GRIN2A: variants seen among roughly 807,000 people sequenced by gnomAD.
GRIN2A encodes glutamate ionotropic receptor NMDA type subunit 2A, also known as glutamate receptor ionotropic, NMDA 2A.
In GRIN2A, 22 loss-of-function variants were observed where a neutral mutation model predicts 113.4. The observed-to-expected ratio is 0.19, with a 90% confidence interval of 0.14 to 0.28. The LOEUF is 0.28. Ranked by LOEUF, GRIN2A falls within the 10% of genes least tolerant of loss-of-function variation. The pLI, the probability that GRIN2A is intolerant of heterozygous loss-of-function variation, is 1.00. For missense variants in GRIN2A, 1,502 were observed against 1,887.0 expected, an observed-to-expected ratio of 0.80 and a Z score of 3.78; for synonymous variants, 827 against 738.4, an observed-to-expected ratio of 1.12 and a Z score of -1.94.
At chr16:9,777,685 T>G (rs1901685942) in intron 11 of GRIN2A, among the ~76,000 whole-genome samples, 1 of 152,198 alleles carries the variant, frequency 6.6e-6, no homozygotes, top group Non-Finnish European at 1.5e-5. Flanking sequence ...CTTGTCACAT[T>G]GCAGGATTTC....
intron 4 of GRIN2A, among the ~76,000 whole-genome samples, chr16:9,878,916 G>A (rs1237170779): frequency 1.3e-5 from 2 of 151,832 alleles, no homozygotes; most frequent in East Asian, 3.9e-4. Context: ...TTGGGAGATG[G>A]CATCACTTAT....
rs567238025 is a variant in GRIN2A at position 9,897,354 on chromosome 16, T to C, written c.1008-6254A>G. On this transcript the variant is annotated intron_variant, in intron 3 of 12. Coordinates refer to ENST00000330684, the MANE Select transcript of GRIN2A (RefSeq NM_001134407.3). ...GTGTTTTGTGCTCTATGAATGGTGA[T>C]GCATGGTGATCAGAGATAACATTGA... Among the ~76,000 whole-genome samples the C allele has an allele frequency of 3.9e-5, 6 of 152,284 alleles. No individual in the cohort carries two copies. In the East Asian group the frequency reaches 7.7e-4, roughly 20 times the overall value.
intron 11 of GRIN2A, among the ~76,000 whole-genome samples, chr16:9,789,328 T>C (rs1407180334): frequency 3.3e-5 from 5 of 152,178 alleles, no homozygotes; most frequent in Non-Finnish European, 7.4e-5. Flanking sequence ...TTCAGCCTCA[T>C]GGTACTAATT....
chr16:9,800,468 AAAAAAT>A (rs991114223), intron 10 of GRIN2A, among the ~76,000 whole-genome samples: 33 of 152,304 alleles, frequency 2.2e-4, no homozygotes, highest in African/African-American at 7.5e-4. Flanking sequence ...CAGTGAAGCA[AAAAAAT>A]AAAAATAAAA....
At chr16:10,141,397 A>G (rs1161456001) in intron 2 of GRIN2A, among the ~76,000 whole-genome samples, 1 of 152,164 alleles carries the variant, frequency 6.6e-6, no homozygotes, top group East Asian at 1.9e-4. Context: ...CTAAGGCAAA[A>G]GTATTGCTTG....
rs190622916 is a variant in GRIN2A at position 9,885,202 on chromosome 16, A to C, written c.1122+5784T>G. ...CCTGGTACCTAATGAACTGCTGGCC[A>C]CAGAGCTGGCATACACGTGGCATTG... On this transcript the variant is annotated intron_variant, in intron 4 of 12. Transcript: ENST00000330684. Among the ~76,000 whole-genome samples, 728 of 152,242 alleles carry C rather than the reference A, an allele frequency of 4.8e-3. 7 individuals carry two copies. Among genetic ancestry groups the C allele is most frequent in the African/African-American group, 0.017 (703 of 41,550 alleles).
At chr16:10,129,280 G>A (rs1020152534) in intron 2 of GRIN2A, among the ~76,000 whole-genome samples, 1 of 152,090 alleles carries the variant, frequency 6.6e-6, no homozygotes, top group Non-Finnish European at 1.5e-5. Context: ...GTCTCTCTGT[G>A]TTGCCCAGGC....
chr16:9,767,575 CAAACAA>C (rs1160903208), intron 12 of GRIN2A, among the ~76,000 whole-genome samples: 1 of 147,042 alleles, frequency 6.8e-6, no homozygotes, highest in African/African-American at 2.5e-5. Context: ...GGCAAAAAAA[CAAACAA>C]AAACAAAAAA....
chr16:10,005,688 A>T (rs1194106847), intron 2 of GRIN2A, among the ~76,000 whole-genome samples: 1 of 152,230 alleles, frequency 6.6e-6, no homozygotes, highest in Admixed American at 6.5e-5. Context: ...TGATTTGTAA[A>T]TGTTGGAGAC....
intron 10 of GRIN2A, among the ~76,000 whole-genome samples, chr16:9,801,856 G>A (rs972362111): frequency 1.3e-5 from 2 of 152,196 alleles, no homozygotes; most frequent in Admixed American, 1.3e-4. Flanking sequence ...TGTCAGAACT[G>A]AAGTGATTAC....
chr16:9,808,476 G>C (rs190556327), intron 10 of GRIN2A, among the ~76,000 whole-genome samples: 3 of 152,242 alleles, frequency 2.0e-5, no homozygotes, highest in Admixed American at 2.0e-4. Flanking sequence ...GAGTGAAAGA[G>C]AGATTCCGAA....
chr16:9,889,907 C>T (rs549550961), intron 4 of GRIN2A, among the ~76,000 whole-genome samples: 30 of 152,272 alleles, frequency 2.0e-4, no homozygotes, highest in Admixed American at 7.8e-4. Context: ...CATGTGCACT[C>T]GAAAGGCTGT....
rs146446171 is a variant in GRIN2A, at chr16:10,097,340, G to C, written c.414+82658C>G. 1.7e-3 allele frequency among the ~76,000 whole-genome samples: 265 copies of C among 152,326 alleles called. 2 individuals are homozygous for C. Among genetic ancestry groups the C allele is most frequent in the African/African-American group, 6.0e-3 (250 of 41,560 alleles). On this transcript the variant is annotated intron_variant, in intron 2 of 12. Coordinates refer to ENST00000330684, the MANE Select transcript of GRIN2A (RefSeq NM_001134407.3). ...CACACACTAAACAAATAATCGTAGA[G>C]ATGTTTGAAGTTGGAAAACAGAGAA...
chr16:9,823,457 G>C (rs529196643), intron 9 of GRIN2A, among the ~76,000 whole-genome samples: 49 of 152,258 alleles, frequency 3.2e-4, no homozygotes, highest in African/African-American at 1.1e-3. Flanking sequence ...ATAGTGCCTG[G>C]ACCAGAGAAA....
chr16:10,154,181 A>G (rs1382144882), intron 2 of GRIN2A, among the ~76,000 whole-genome samples: 1 of 152,064 alleles, frequency 6.6e-6, no homozygotes, highest in Non-Finnish European at 1.5e-5. Flanking sequence ...CACCTACACC[A>G]CAACAACCAG....
rs572769147 is a variant in GRIN2A, at chr16:9,859,351, C to A, written c.1123-9390G>T. Among the ~76,000 whole-genome samples, 8 of 152,214 alleles carry A rather than the reference C, an allele frequency of 5.3e-5. No individual in the cohort carries two copies. In the South Asian group the frequency reaches 1.7e-3, roughly 32 times the overall value. ...AAAATAGCACTAAAAACCGTGCATA[C>A]ATAAGTGTCTGATACATAAGTGTCC... On this transcript the variant is annotated intron_variant, in intron 4 of 12. Transcript: ENST00000330684.
chr16:10,101,614 C>G (rs12918249), intron 2 of GRIN2A, among the ~76,000 whole-genome samples: 1 of 152,212 alleles, frequency 6.6e-6, no homozygotes, highest in African/African-American at 2.4e-5. Context: ...TGGCCAACAC[C>G]TCTCAATCCA....
At chr16:9,950,777 C>A (rs1309260378) in intron 2 of GRIN2A, among the ~76,000 whole-genome samples, 1 of 152,190 alleles carries the variant, frequency 6.6e-6, no homozygotes, top group Non-Finnish European at 1.5e-5. Context: ...GAAACTGGCT[C>A]AACCCCTTAA....
intron 3 of GRIN2A, among the ~76,000 whole-genome samples, chr16:9,932,759 T>G (rs1239242878): frequency 2.0e-5 from 3 of 152,086 alleles, no homozygotes; most frequent in Non-Finnish European, 4.4e-5. Flanking sequence ...CACACACTGG[T>G]CTAAGATGCA....
Sources: gnomAD v4.1 joint callset for allele counts (sites outside exome capture counted in the v4.1 genomes callset) on GRCh38, gnomAD v4.1.1 for gene constraint, MANE v1.5 for transcripts, NCBI Gene and HGNC (gene_info 2026-07-23, HGNC 2026-07-21) for gene names.